F13A1: variants seen among roughly 807,000 people sequenced by gnomAD.
F13A1 encodes FSF, A subunit.
A neutral mutation model predicts 80.1 loss-of-function variants in F13A1; 47 were observed. The observed-to-expected ratio is 0.59, with a 90% confidence interval of 0.46 to 0.75. F13A1 has a LOEUF of 0.75. Ranked by LOEUF, F13A1 falls within the 30% of genes least tolerant of loss-of-function variation. F13A1 has a pLI of 0.00. For synonymous variants in F13A1, 349 were observed against 344.9 expected, an observed-to-expected ratio of 1.01 and a Z score of -0.13; for missense variants, 817 against 930.4, an observed-to-expected ratio of 0.88 and a Z score of 1.59.
intron 10 of F13A1, among the ~76,000 whole-genome samples, chr6:6,189,696 T>C (rs1282514747): frequency 9.0e-4 from 125 of 138,188 alleles, no homozygotes; most frequent in Non-Finnish European, 9.9e-4. Flanking sequence ...CTGACAATTA[T>C]GTGTCTTGGA....
intron 3 of F13A1, among the ~76,000 whole-genome samples, chr6:6,280,200 T>G (rs993613538): frequency 3.9e-5 from 6 of 152,104 alleles, no homozygotes; most frequent in Non-Finnish European, 8.8e-5. Flanking sequence ...ATGAGCAGAG[T>G]GATACCACTT....
At chr6:6,224,315 T>C (rs1395176394) in intron 7 of F13A1, among the ~76,000 whole-genome samples, 1 of 152,210 alleles carries the variant, frequency 6.6e-6, no homozygotes, top group Non-Finnish European at 1.5e-5. Flanking sequence ...AAATAAGCAA[T>C]ATATATCTTT....
chr6:6,226,354 T>C (rs1252257942), intron 6 of F13A1, among the ~76,000 whole-genome samples: 2 of 152,232 alleles, frequency 1.3e-5, no homozygotes, highest in Non-Finnish European at 2.9e-5. Context: ...CCCAGAACTC[T>C]TGAATAAGAA....
At chr6:6,294,707 G>A (rs1418492779) in intron 3 of F13A1, among the ~76,000 whole-genome samples, 1 of 149,356 alleles carries the variant, frequency 6.7e-6, no homozygotes, top group African/African-American at 2.5e-5. Flanking sequence ...TGTACTGGTA[G>A]AGATTCTTTT....
At chr6:6,170,824 C>T (rs13362614) in intron 12 of F13A1, among the ~76,000 whole-genome samples, 1 of 152,016 alleles carries the variant, frequency 6.6e-6, no homozygotes, top group Admixed American at 6.5e-5. Flanking sequence ...AGTTATGTGG[C>T]TTTTTGCAAT....
intron 13 of F13A1, among the ~76,000 whole-genome samples, chr6:6,160,103 C>G (rs1232712739): frequency 6.6e-6 from 1 of 151,542 alleles, no homozygotes; most frequent in Admixed American, 6.6e-5. Flanking sequence ...GTGGTGAAAC[C>G]CTGTCTCTAC....
Position 6,281,614 on chromosome 6 carries a change from A to G in F13A1, c.320-14805T>C, listed in dbSNP as rs138476813. 3.4e-3 allele frequency among the ~76,000 whole-genome samples: 516 copies of G among 152,350 alleles called. 3 individuals are homozygous for G. Among genetic ancestry groups the G allele is most frequent in the African/African-American group, 0.012 (484 of 41,580 alleles). Reference sequence around the variant, plus strand: ...ACTAAGATTATGATATTTTGTTACAACAGCAACATAAAACTAATGCAAACA... The same window carrying G: ...ACTAAGATTATGATATTTTGTTACAGCAGCAACATAAAACTAATGCAAACA... On this transcript the variant is annotated intron_variant, in intron 3 of 14. Transcript: ENST00000264870.
At chr6:6,192,347 G>A (rs1761216250) in intron 10 of F13A1, among the ~76,000 whole-genome samples, 1 of 152,150 alleles carries the variant, frequency 6.6e-6, no homozygotes, top group Non-Finnish European at 1.5e-5. Flanking sequence ...GGGGATCAGG[G>A]AGATGAGTTA....
chr6:6,174,678 A>C lies in F13A1; in HGVS notation c.1649T>G (p.Ile550Ser). ...GATGTTGGCTGAGAGATAAGCTGTG[A>C]TGGTGTAACGGTTGTGGCTGTTGTT... ...FRNNSHNRYT[I>S]TAYLSANITF... The change falls in exon 12 of 15, where the codon ATC becomes AGC. Residue 550 changes from isoleucine (I) to serine (S), a missense_variant. Physicochemically the swap from Ile to Ser is moderately radical, Grantham distance 142 (BLOSUM62 -2). Transcript: ENST00000264870. The C allele has an allele frequency of 6.2e-7, 1 of 1,614,172 alleles. No individual in the cohort carries two copies. The highest frequency in any genetic ancestry group is 8.5e-7 in the Non-Finnish European group (1 of 1,180,030).
chr6:6,185,356 T>A (rs1761061020), intron 10 of F13A1, among the ~76,000 whole-genome samples: 1 of 144,712 alleles, frequency 6.9e-6, no homozygotes, highest in African/African-American at 2.5e-5. Flanking sequence ...ATTGTTCAAT[T>A]CCCACCTATG....
intron 4 of F13A1, among the ~76,000 whole-genome samples, chr6:6,256,344 A>G (rs1757703167): frequency 6.6e-6 from 1 of 152,146 alleles, no homozygotes. Flanking sequence ...GGACCAACTG[A>G]CAACTCTTTG....
chr6:6,165,795 C>T (rs1561640656), intron 13 of F13A1, among the ~76,000 whole-genome samples: 1 of 152,382 alleles, frequency 6.6e-6, no homozygotes, highest in East Asian at 1.9e-4. Flanking sequence ...CCCACCTCTC[C>T]ATTTTGCATT....
At position 6,318,688 on chromosome 6, in the gene F13A1, G is replaced by GGA; in HGVS notation, c.-18-7_-18-6insTC. On this transcript the variant is annotated splice_region_variant and splice_polypyrimidine_tract_variant and intron_variant, in intron 1 of 14. Transcript: ENST00000264870. ...ATTTTTGACTTTACAAGGTCCTTCA[G>GGA]AAAAAAAAAAAAAAGAAGACAACAG... 1 of 1,488,492 alleles carries GGA rather than the reference G, an allele frequency of 6.7e-7. No homozygotes were observed. Among genetic ancestry groups the GGA allele is most frequent in the East Asian group, 2.4e-5 (1 of 42,048 alleles). 92.2% of individuals were successfully genotyped at this position (1,488,492 alleles called of 1,614,324 possible).
chr6:6,199,352 T>C (rs1761351052), intron 8 of F13A1, among the ~76,000 whole-genome samples: 1 of 152,008 alleles, frequency 6.6e-6, no homozygotes, highest in Non-Finnish European at 1.5e-5. Context: ...TAGCTGGGCG[T>C]GGTGGCGGGC....
At chr6:6,156,704 T>C (rs973397918) in intron 13 of F13A1, among the ~76,000 whole-genome samples, 3 of 152,220 alleles carry the variant, frequency 2.0e-5, no homozygotes, top group Admixed American at 2.0e-4. Context: ...GGTTCTAGGG[T>C]GGTTAGGAAA....
rs1478982047 is a variant in F13A1, at chr6:6,167,475, G to T, written c.1891C>A (p.Pro631Thr). The change falls in exon 13 of 15, where the codon CCT becomes ACT. Residue 631 changes from proline (P) to threonine (T), a missense_variant. Coordinates refer to ENST00000264870, the MANE Select transcript of F13A1 (RefSeq NM_000129.4). ...AKQKSTVLTI[P>T]EIIIKVRGTQ... The stretch of plus-strand genomic sequence containing the variant: ...AGACTGACCTTGATGATGATCTCAG[G>T]GATGGTTAGCACGGTGGACTTTTGC... 6.2e-7 allele frequency: 1 copy of T among 1,614,024 alleles called. No individual in the cohort carries two copies. Among genetic ancestry groups the T allele is most frequent in the African/African-American group, 1.3e-5 (1 of 75,000 alleles).
chr6:6,251,937 G>A (rs1251039250), intron 4 of F13A1, among the ~76,000 whole-genome samples: 2 of 152,068 alleles, frequency 1.3e-5, no homozygotes, highest in East Asian at 3.9e-4. Flanking sequence ...AGGAAGCAAT[G>A]GCGTGACTTA....
intron 8 of F13A1, among the ~76,000 whole-genome samples, chr6:6,199,454 C>T (rs910163198): frequency 4.6e-5 from 7 of 151,778 alleles, no homozygotes; most frequent in African/African-American, 9.7e-5. Flanking sequence ...GATCACCCCA[C>T]CGCACTCCAG....
intron 3 of F13A1, among the ~76,000 whole-genome samples, chr6:6,275,272 G>A (rs1315300813): frequency 6.6e-6 from 1 of 152,146 alleles, no homozygotes; most frequent in Non-Finnish European, 1.5e-5. Context: ...GCATTAAGTA[G>A]GGGGGCAGAG....
Sources: allele counts gnomAD v4.1 joint callset (sites outside exome capture counted in the v4.1 genomes callset), GRCh38; gene constraint gnomAD v4.1.1; transcripts MANE v1.5; gene names NCBI Gene and HGNC (gene_info 2026-07-23, HGNC 2026-07-21).